Variants in VWC2L observed in about 807,000 individuals in gnomAD.
VWC2L encodes the protein von Willebrand factor C domain containing 2 like, also known as von Willebrand factor C domain-containing protein 2-like.
VWC2L carries 10 observed loss-of-function variants against 21.6 expected under a neutral mutation model. That is an observed-to-expected ratio of 0.46 (90% CI 0.29 to 0.78). VWC2L has a LOEUF of 0.78. Among genes scored for constraint, VWC2L ranks in the 30% least tolerant of loss-of-function variants. VWC2L has a pLI of 0.10. For synonymous variants in VWC2L, 96 were observed against 94.3 expected, an observed-to-expected ratio of 1.02 and a Z score of -0.10; for missense variants, 209 against 277.1, an observed-to-expected ratio of 0.75 and a Z score of 1.74.
At chr2:214,454,593 A>ATTTTTTT (rs1703025765) in intron 3 of VWC2L, among the ~76,000 whole-genome samples, 1 of 59,762 alleles carries the variant, frequency 1.7e-5, no homozygotes, top group African/African-American at 6.7e-5. Context: ...ACATTGATTG[A>ATTTTTTT]TTTTCTTTTT....
rs1690258029 is a variant in VWC2L at position 214,577,872 on chromosome 2, C to G, written c.*2052C>G. On this transcript the variant is annotated 3_prime_UTR_variant, in exon 4 of 4. Transcript: ENST00000312504. ...TATGATACAAATAGCCATGCCGGCA[C>G]CATCCCGAGGAAGAGCATCAAGCCA... 1 of 152,178 alleles carries G rather than the reference C, an allele frequency of 6.6e-6. No individual in the cohort carries two copies. The highest frequency in any genetic ancestry group is 2.4e-5 in the African/African-American group (1 of 41,452). The allele number at this position is 152,178 out of a possible 1,614,324, so 9.4% of individuals were successfully genotyped here.
chr2:214,431,649 T>A (rs1702602786), intron 2 of VWC2L, among the ~76,000 whole-genome samples: 1 of 152,236 alleles, frequency 6.6e-6, no homozygotes, highest in South Asian at 2.1e-4. Flanking sequence ...TTGGGCTTTG[T>A]ACTCTATCCC....
chr2:214,431,243 C>T (rs1702597946), intron 2 of VWC2L, among the ~76,000 whole-genome samples: 1 of 152,160 alleles, frequency 6.6e-6, no homozygotes, highest in African/African-American at 2.4e-5. Context: ...TCCAAATTTT[C>T]ATACAGTTTG....
At chr2:214,424,115 A>G (rs1006295121) in intron 2 of VWC2L, among the ~76,000 whole-genome samples, 2 of 152,128 alleles carry the variant, frequency 1.3e-5, no homozygotes, top group Non-Finnish European at 2.9e-5. Context: ...TTAAATTCCA[A>G]TTTACATCAT....
At chr2:214,516,656 TA>T (rs11344455) in intron 3 of VWC2L, among the ~76,000 whole-genome samples, 64,131 of 143,398 alleles carry the variant, frequency 0.45, 13,905 homozygotes, top group East Asian at 0.74. Flanking sequence ...CTTTTGAAAT[TA>T]AAAAAAAAAA....
intron 3 of VWC2L, among the ~76,000 whole-genome samples, chr2:214,446,865 T>A (rs73072768): frequency 0.23 from 34,437 of 152,068 alleles, 6,102 homozygotes; most frequent in African/African-American, 0.49. Context: ...CACATACATA[T>A]GGAATTTTTT....
At position 214,540,763 on chromosome 2, in the gene VWC2L, C is replaced by T. The variant is rs576905092; in HGVS notation, c.521-34909C>T. On this transcript the variant is annotated intron_variant, in intron 3 of 3. Coordinates refer to ENST00000312504, the MANE Select transcript of VWC2L (RefSeq NM_001080500.4). ...CTTTTCTATTAAAATGCCTAGCATC[C>T]GTAAACAATACATCAGAAAGCAAGA... 3.9e-5 allele frequency among the ~76,000 whole-genome samples: 6 copies of T among 152,148 alleles called. 1 individual carries two copies. In the South Asian group the frequency reaches 8.3e-4, roughly 21 times the overall value.
chr2:214,508,109 T>C (rs1243956980), intron 3 of VWC2L, among the ~76,000 whole-genome samples: 1 of 152,092 alleles, frequency 6.6e-6, no homozygotes, highest in African/African-American at 2.4e-5. Context: ...CCCAAGTAGC[T>C]GGGACTATAA....
chr2:214,427,742 C>T (rs1026724790), intron 2 of VWC2L, among the ~76,000 whole-genome samples: 3 of 152,122 alleles, frequency 2.0e-5, no homozygotes, highest in Admixed American at 1.3e-4. Flanking sequence ...GATTAGTATT[C>T]GCATATAGCC....
rs55864016 is a variant in VWC2L, at chr2:214,563,546, CAAAAAAAAAAAAAAAAAA to C, written c.521-12108_521-12091del. Among the ~76,000 whole-genome samples, 171 of 95,872 alleles carry C rather than the reference CAAAAAAAAAAAAAAAAAA, an allele frequency of 1.8e-3. 1 individual carries two copies. The highest frequency in any genetic ancestry group is 0.012 in the Middle Eastern group (2 of 168). 62.9% of individuals were successfully genotyped at this position (95,872 alleles called of 152,430 possible). A position where few individuals can be genotyped will look rare whatever the true frequency, so the allele number is the denominator to read the frequency against. ...TGGGTGACACAGCAAGACTCCGTCT[CAAAAAAAAAAAAAAAAAA>C]AAAAAAAAAAAAAAAAATCAAGTGG... On this transcript the variant is annotated intron_variant, in intron 3 of 3. Transcript: ENST00000312504.
At position 214,436,485 on chromosome 2, in the gene VWC2L, G is replaced by A. The variant is rs1002776500; in HGVS notation, c.391-144G>A. On this transcript the variant is annotated intron_variant, in intron 2 of 3. Coordinates refer to ENST00000312504, the MANE Select transcript of VWC2L (RefSeq NM_001080500.4). ...GGGTGTCTAACTTGCCTTCCACCAA[G>A]GGAGAATGATCGTAGACATGGTAAA... The A allele has an allele frequency of 7.2e-6, 8 of 1,107,018 alleles. No individual in the cohort carries two copies. In the African/African-American group the frequency reaches 1.1e-4, roughly 15 times the overall value. 68.6% of individuals were successfully genotyped at this position (1,107,018 alleles called of 1,614,324 possible).
Position 214,419,863 on chromosome 2 carries a change from C to T in VWC2L, c.390+5280C>T, listed in dbSNP as rs573161345. ...AATCTCAAGAGAATAAAAGGGGACC[C>T]GCCTGGCCAACATGGTGAAACCCTG... On this transcript the variant is annotated intron_variant, in intron 2 of 3. Transcript: ENST00000312504. Among the ~76,000 whole-genome samples the T allele has an allele frequency of 2.6e-5, 4 of 152,028 alleles. No individual in the cohort carries two copies. The East Asian group carries it at 7.7e-4, about 29-fold the overall frequency.
intron 3 of VWC2L, among the ~76,000 whole-genome samples, chr2:214,473,178 T>C (rs1412903784): frequency 6.6e-6 from 1 of 152,156 alleles, no homozygotes; most frequent in Non-Finnish European, 1.5e-5. Flanking sequence ...AAAAGCTGAG[T>C]ACATTTCAAT....
At position 214,436,630 on chromosome 2, in the gene VWC2L, C is replaced by T. The variant is rs1211620420; in HGVS notation, c.392C>T (p.Pro131Leu). The part of the protein sequence containing the change: ...KNYKILEEFK[P>L]SPCEWCRCEP... ...GGCTAATTTTAGATTTGTTCCTAGC[C>T]CTCTCCATGTGAATGGTGTCGCTGT... is the stretch of plus-strand genomic sequence containing the variant. Residue 131 changes from proline (P) to leucine (L), a missense_variant and splice_region_variant, in exon 3 of 4, where the codon CCC becomes CTC. Physicochemically the swap from Pro to Leu is moderately conservative, Grantham distance 98 (BLOSUM62 -3). Coordinates refer to ENST00000312504, the MANE Select transcript of VWC2L (RefSeq NM_001080500.4). The T allele has an allele frequency of 3.7e-6, 6 of 1,612,816 alleles. No homozygotes were observed. The highest frequency in any genetic ancestry group is 1.3e-5 in the African/African-American group (1 of 74,850).
intron 3 of VWC2L, among the ~76,000 whole-genome samples, chr2:214,446,752 C>A (rs1048908082): frequency 6.6e-6 from 1 of 152,112 alleles, no homozygotes; most frequent in Non-Finnish European, 1.5e-5. Context: ...TGAAAACAGA[C>A]ACATTAGGAA....
At chr2:214,511,919 T>C (rs866768615) in intron 3 of VWC2L, among the ~76,000 whole-genome samples, 47 of 145,364 alleles carry the variant, frequency 3.2e-4, no homozygotes, top group African/African-American at 9.1e-4. Context: ...TATATACATA[T>C]ACACACACAC....
At chr2:214,561,693 T>C (rs944941865) in intron 3 of VWC2L, among the ~76,000 whole-genome samples, 9 of 151,468 alleles carry the variant, frequency 5.9e-5, no homozygotes, top group Admixed American at 1.3e-4. Context: ...GAGGATCACC[T>C]GAGCCTGGGA....
In VWC2L at chr2:214,480,832, G is replaced by A. The variant is rs150393387; in HGVS notation, c.520+44074G>A. Among the ~76,000 whole-genome samples, 797 of 100,806 alleles carry A rather than the reference G, an allele frequency of 7.9e-3. 7 individuals carry two copies. Among genetic ancestry groups the A allele is most frequent in the African/African-American group, 0.029 (765 of 26,312 alleles). 66.1% of individuals were successfully genotyped at this position (100,806 alleles called of 152,430 possible). On this transcript the variant is annotated intron_variant, in intron 3 of 3. Coordinates refer to ENST00000312504, the MANE Select transcript of VWC2L (RefSeq NM_001080500.4). ...CCTAACAGAATAAAAGGCTGAAAAA[G>A]TCTTCTTTATTCAGAGGTCCATATG...
At chr2:214,486,443 A>ACCTTAATTCTTCATATGCC (rs754267968) in intron 3 of VWC2L, among the ~76,000 whole-genome samples, 56 of 152,306 alleles carry the variant, frequency 3.7e-4, no homozygotes, top group Non-Finnish European at 7.2e-4. Flanking sequence ...ATTCATATGC[A>ACCTTAATTCTTCATATGCC]CCTTAATTCT....
Sources: gnomAD v4.1 joint callset for allele counts (sites outside exome capture counted in the v4.1 genomes callset) on GRCh38, gnomAD v4.1.1 for gene constraint, MANE v1.5 for transcripts, NCBI Gene and HGNC (gene_info 2026-07-23, HGNC 2026-07-21) for gene names.